NCAM2: variants seen among roughly 807,000 people sequenced by gnomAD.
The protein encoded by NCAM2 is N-CAM-2.
NCAM2 carries 30 observed loss-of-function variants against 98.1 expected under a neutral mutation model. That is an observed-to-expected ratio of 0.31 (90% CI 0.23 to 0.41). The LOEUF (loss-of-function observed/expected upper bound fraction) is 0.41, where lower values mean the gene tolerates loss of function less well. Ranked by LOEUF, NCAM2 falls within the 10% of genes least tolerant of loss-of-function variation. NCAM2 has a pLI of 1.00. For missense variants in NCAM2, 867 were observed against 1,005.8 expected, an observed-to-expected ratio of 0.86 and a Z score of 1.87; for synonymous variants, 368 against 342.4, an observed-to-expected ratio of 1.07 and a Z score of -0.83.
At chr21:21,335,997 T>G (rs2074856712) in intron 7 of NCAM2, among the ~76,000 whole-genome samples, 1 of 152,174 alleles carries the variant, frequency 6.6e-6, no homozygotes, top group Non-Finnish European at 1.5e-5. Context: ...TTACTTACAA[T>G]ATAGTTCAAA....
Position 21,338,434 on chromosome 21 carries a change from A to G in NCAM2, c.944A>G (p.Asn315Ser), listed in dbSNP as rs949014577. The part of the protein sequence containing the change: ...IQLKNETTYE[N>S]GQVTLVCDAE... ...CTTAAAAATGAAACTACATATGAGA[A>G]TGGTCAAGTCACACTCGTATGTGAT... Residue 315 changes from asparagine to serine, a missense_variant, in exon 8 of 18, where the codon AAT becomes AGT. Transcript: ENST00000400546. 1.9e-6 allele frequency: 3 copies of G among 1,612,572 alleles called. No homozygotes were observed. The highest frequency in any genetic ancestry group is 2.5e-6 in the Non-Finnish European group (3 of 1,178,946).
intron 1 of NCAM2, among the ~76,000 whole-genome samples, chr21:21,012,894 G>A (rs2064236507): frequency 6.6e-6 from 1 of 151,990 alleles, no homozygotes; most frequent in Admixed American, 6.6e-5. Flanking sequence ...TGTTACAATT[G>A]TAATTATCTT....
rs34936749 is a variant in NCAM2 at position 21,298,588 on chromosome 21, C to CAGACAGACAGAT, written c.619+6350_619+6351insCAGACAGATAGA. Among the ~76,000 whole-genome samples, 79 of 147,650 alleles carry CAGACAGACAGAT rather than the reference C, an allele frequency of 5.4e-4. 1 individual carries two copies. The highest frequency in any genetic ancestry group is 1.9e-3 in the African/African-American group (77 of 40,336). On this transcript the variant is annotated intron_variant, in intron 5 of 17. Transcript: ENST00000400546. ...ATATAAACTAGAGAAATGATAGATA[C>CAGACAGACAGAT]AGATAGATAGATAGATAGATAGATA...
chr21:21,531,997 A>C (rs554238809), intron 16 of NCAM2, among the ~76,000 whole-genome samples: 1 of 151,630 alleles, frequency 6.6e-6, no homozygotes, highest in South Asian at 2.1e-4. Flanking sequence ...CGTCTCAAAA[A>C]AAAAGAAAAA....
chr21:21,140,446 G>T (rs2067142579), intron 1 of NCAM2, among the ~76,000 whole-genome samples: 2 of 152,038 alleles, frequency 1.3e-5, no homozygotes, highest in African/African-American at 2.4e-5. Flanking sequence ...ACCATTAGCA[G>T]AAATAATGAT....
chr21:21,348,597 T>C (rs1602060896), intron 8 of NCAM2, among the ~76,000 whole-genome samples: 2 of 127,554 alleles, frequency 1.6e-5, no homozygotes, highest in East Asian at 2.6e-4. Flanking sequence ...GAAAAAACTT[T>C]CTAAAATTTA....
chr21:21,010,234 A>G (rs1385795971), intron 1 of NCAM2, among the ~76,000 whole-genome samples: 1 of 152,044 alleles, frequency 6.6e-6, no homozygotes, highest in East Asian at 1.9e-4. Context: ...CATACACGCT[A>G]TGTTAATGCA....
chr21:21,535,115 G>A (rs1438690124), intron 17 of NCAM2, among the ~76,000 whole-genome samples: 1 of 152,052 alleles, frequency 6.6e-6, no homozygotes, highest in Non-Finnish European at 1.5e-5. Flanking sequence ...TAATATTAAA[G>A]TGTTTATCAT....
Position 21,042,424 on chromosome 21 carries a change from TCCAC to T in NCAM2, c.55+43809_55+43812del, listed in dbSNP as rs2064924963. ...GTCTCAAACTCCTGACCTCAGGTGATCCACCCGCCTCGGCCTCCCAAAGTGCTGG... is the reference window on the plus strand; with the variant it reads ...GTCTCAAACTCCTGACCTCAGGTGATCCGCCTCGGCCTCCCAAAGTGCTGG... On this transcript the variant is annotated intron_variant, in intron 1 of 17. Transcript: ENST00000400546. Among the ~76,000 whole-genome samples, 3 of 152,260 alleles carry T rather than the reference TCCAC, an allele frequency of 2.0e-5. No homozygotes were observed. The South Asian group carries it at 6.2e-4, about 32-fold the overall frequency.
At chr21:21,182,725 C>A (rs909165190) in intron 1 of NCAM2, among the ~76,000 whole-genome samples, 1 of 152,060 alleles carries the variant, frequency 6.6e-6, no homozygotes, top group East Asian at 1.9e-4. Flanking sequence ...TGCTATCATA[C>A]CCCAGTGCAC....
intron 1 of NCAM2, among the ~76,000 whole-genome samples, chr21:21,135,276 A>C (rs1001605372): frequency 8.7e-5 from 13 of 150,234 alleles, no homozygotes; most frequent in African/African-American, 2.7e-4. Context: ...TTCTGAACTC[A>C]ATCAGTCCTC....
At chr21:21,404,255 A>G (rs1045775485) in intron 9 of NCAM2, among the ~76,000 whole-genome samples, 1 of 152,124 alleles carries the variant, frequency 6.6e-6, no homozygotes, top group African/African-American at 2.4e-5. Flanking sequence ...ATGTCAATAT[A>G]TTGTATGTAT....
intron 1 of NCAM2, among the ~76,000 whole-genome samples, chr21:21,005,237 C>T (rs956693512): frequency 1.3e-5 from 2 of 152,004 alleles, no homozygotes; most frequent in African/African-American, 4.8e-5. Flanking sequence ...CTGGCCATGG[C>T]CATGTGTAGG....
At chr21:21,298,532 A>G (rs1287475508) in intron 5 of NCAM2, among the ~76,000 whole-genome samples, 3 of 151,602 alleles carry the variant, frequency 2.0e-5, no homozygotes, top group Non-Finnish European at 4.4e-5. Flanking sequence ...CTTATCTCTT[A>G]TATAACTGTT....
intron 9 of NCAM2, among the ~76,000 whole-genome samples, chr21:21,397,056 GC>G (rs2076524255): frequency 6.6e-6 from 1 of 152,196 alleles, no homozygotes; most frequent in Non-Finnish European, 1.5e-5. Context: ...GTTTCATTGA[GC>G]TACAGAAAAG....
chr21:21,264,689 A>G (rs1023380711), intron 1 of NCAM2, among the ~76,000 whole-genome samples: 1 of 149,354 alleles, frequency 6.7e-6, no homozygotes, highest in Non-Finnish European at 1.5e-5. Context: ...ATATATACAC[A>G]CACATACATA....
chr21:21,502,063 A>G (rs1210875717), intron 15 of NCAM2, among the ~76,000 whole-genome samples: 1 of 151,888 alleles, frequency 6.6e-6, no homozygotes, highest in South Asian at 2.1e-4. Context: ...AATTTTGCCT[A>G]GTTGTTTTGC....
chr21:21,229,519 A>G (rs1316035071), intron 1 of NCAM2, among the ~76,000 whole-genome samples: 1 of 151,552 alleles, frequency 6.6e-6, no homozygotes, highest in Non-Finnish European at 1.5e-5. Flanking sequence ...TAATCTTCAT[A>G]CACCCAATGG....
chr21:21,326,469 A>T (rs1327749890), intron 6 of NCAM2, among the ~76,000 whole-genome samples: 1 of 152,146 alleles, frequency 6.6e-6, no homozygotes, highest in Admixed American at 6.6e-5. Flanking sequence ...CAGCTTACCA[A>T]TTACTTCTCA....
Sources: allele counts gnomAD v4.1 joint callset (sites outside exome capture counted in the v4.1 genomes callset), GRCh38; gene constraint gnomAD v4.1.1; transcripts MANE v1.5; gene names NCBI Gene and HGNC (gene_info 2026-07-23, HGNC 2026-07-21).